The following THADA variants were observed in gnomAD, a reference collection of about 807,000 sequenced individuals.
THADA encodes the protein THADA armadillo repeat containing.
THADA carries 213 observed loss-of-function variants against 219.8 expected under a neutral mutation model. That is an observed-to-expected ratio of 0.97 (90% CI 0.87 to 1.09). The LOEUF (loss-of-function observed/expected upper bound fraction) is 1.09, where lower values mean the gene tolerates loss of function less well. Among genes scored for constraint, THADA ranks in the 50% least tolerant of loss-of-function variants. The pLI, the probability that THADA is intolerant of heterozygous loss-of-function variation, is 0.00. For synonymous variants in THADA, 1,018 were observed against 828.9 expected (o/e 1.23, Z -3.92); for missense variants, 2,956 against 2,311.3 (o/e 1.28, Z -5.72).
intron 26 of THADA, among the ~76,000 whole-genome samples, chr2:43,452,325 A>G (rs1322793485): frequency 6.6e-6 from 1 of 152,162 alleles, no homozygotes; most frequent in Non-Finnish European, 1.5e-5. Context: ...TTCAAGGAAC[A>G]TAATAAAACT....
At chr2:43,254,871 C>T (rs1479627765) in intron 36 of THADA, among the ~76,000 whole-genome samples, 1 of 152,144 alleles carries the variant, frequency 6.6e-6, no homozygotes, top group Non-Finnish European at 1.5e-5. Flanking sequence ...TTTTCTCGGT[C>T]CCCCCACTGG....
chr2:43,401,423 C>T (rs7603268), intron 28 of THADA, among the ~76,000 whole-genome samples: 35,907 of 151,998 alleles, frequency 0.24, 4,402 homozygotes, highest in South Asian at 0.33. Flanking sequence ...GGATTACAGG[C>T]GCCTGCCACC....
At chr2:43,517,569 G>GAATA (rs1473159913) in intron 22 of THADA, among the ~76,000 whole-genome samples, 1 of 152,084 alleles carries the variant, frequency 6.6e-6, no homozygotes, top group Non-Finnish European at 1.5e-5. Flanking sequence ...GCTTAGAAAG[G>GAATA]AATAGTATAC....
At chr2:43,383,438 T>C (rs1034811843) in intron 29 of THADA, among the ~76,000 whole-genome samples, 2 of 152,178 alleles carry the variant, frequency 1.3e-5, no homozygotes, top group South Asian at 2.1e-4. Flanking sequence ...TAAGCTAACA[T>C]ACCAGATAAT....
chr2:43,436,434 G>A (rs778852908), intron 26 of THADA, among the ~76,000 whole-genome samples: 11 of 152,044 alleles, frequency 7.2e-5, no homozygotes, highest in Non-Finnish European at 1.6e-4. Context: ...CCAACTGCTG[G>A]GTCTGTGAGC....
At chr2:43,350,364 T>C (rs1357387544) in intron 29 of THADA, among the ~76,000 whole-genome samples, 2 of 152,086 alleles carry the variant, frequency 1.3e-5, no homozygotes, top group African/African-American at 4.8e-5. Context: ...AAAATGCAGA[T>C]TGTGTTTGTA....
chr2:43,422,302 T>C (rs1219947367), intron 28 of THADA, among the ~76,000 whole-genome samples: 1 of 152,188 alleles, frequency 6.6e-6, no homozygotes, highest in East Asian at 1.9e-4. Flanking sequence ...CTCAAGTATA[T>C]AAAGACCATT....
At position 43,574,853 on chromosome 2, in the gene THADA, C is replaced by T; in HGVS notation, c.1212G>A (p.Leu404=). ...EYVYTHWEHP[L]DALRHQTKIM... is the part of the protein sequence containing the mutation. ...TTTTGGTTTGGTGTCTCAGAGCATC[C>T]AATGGATGTTCCCAATGGGTATAGA... Residue 404 remains leucine, a synonymous_variant, in exon 11 of 38, where the codon TTG becomes TTA. Coordinates refer to ENST00000405975, the MANE Select transcript of THADA (RefSeq NM_022065.5). 1.2e-6 allele frequency: 2 copies of T among 1,613,932 alleles called. No homozygotes were observed. Among genetic ancestry groups the T allele is most frequent in the South Asian group, 2.2e-5 (2 of 91,078 alleles).
chr2:43,336,158 C>G (rs1312397988), intron 30 of THADA, among the ~76,000 whole-genome samples: 7 of 151,974 alleles, frequency 4.6e-5, no homozygotes, highest in Non-Finnish European at 1.0e-4. Context: ...TACTTGGGAG[C>G]TGAGGTGAGA....
rs374874143 is a variant in THADA, at chr2:43,447,548, G to T, written c.3837-17246C>A. On this transcript the variant is annotated intron_variant, in intron 26 of 37. Coordinates refer to ENST00000405975, the MANE Select transcript of THADA (RefSeq NM_022065.5). Reference sequence around the variant, plus strand: ...GAGATCTTTGAAGGGCCATTAATCTGCCTGTCACAAATGCTAAAACACAAG... The same window carrying T: ...GAGATCTTTGAAGGGCCATTAATCTTCCTGTCACAAATGCTAAAACACAAG... 1.6e-4 allele frequency among the ~76,000 whole-genome samples: 24 copies of T among 152,242 alleles called. 1 individual carries two copies. In the South Asian group the frequency reaches 4.8e-3, roughly 30 times the overall value.
intron 24 of THADA, among the ~76,000 whole-genome samples, chr2:43,505,255 T>C (rs1211673674): frequency 6.6e-6 from 1 of 152,108 alleles, no homozygotes; most frequent in Non-Finnish European, 1.5e-5. Flanking sequence ...CACCAGAGTT[T>C]AAAAATTGTT....
intron 37 of THADA, among the ~76,000 whole-genome samples, chr2:43,232,399 C>T (rs1273671384): frequency 2.6e-5 from 4 of 152,060 alleles, no homozygotes; most frequent in Non-Finnish European, 4.4e-5. Context: ...AGGATGGTCT[C>T]GATCTCCTGA....
chr2:43,459,187 C>T (rs1413271951), intron 26 of THADA, among the ~76,000 whole-genome samples: 1 of 152,210 alleles, frequency 6.6e-6, no homozygotes, highest in Non-Finnish European at 1.5e-5. Flanking sequence ...CAGCTCACTT[C>T]AGGCTGCCCT....
At chr2:43,552,662 G>C (rs190980627) in intron 17 of THADA, among the ~76,000 whole-genome samples, 3 of 151,230 alleles carry the variant, frequency 2.0e-5, no homozygotes, top group African/African-American at 4.8e-5. Context: ...AATTAAAAAA[G>C]AAAAAAAAGA....
At chr2:43,263,007 A>G (rs1439014834) in intron 36 of THADA, among the ~76,000 whole-genome samples, 1 of 152,186 alleles carries the variant, frequency 6.6e-6, no homozygotes. Context: ...ATAGAGAGCC[A>G]AGTCAGCAGC....
At chr2:43,377,305 A>C (rs2104642423) in intron 29 of THADA, among the ~76,000 whole-genome samples, 1 of 152,314 alleles carries the variant, frequency 6.6e-6, no homozygotes, top group East Asian at 1.9e-4. Flanking sequence ...CCTGATAACT[A>C]ATTCACAACA....
At chr2:43,587,635 T>C (rs1022663317) in intron 4 of THADA, among the ~76,000 whole-genome samples, 14 of 152,178 alleles carry the variant, frequency 9.2e-5, no homozygotes, top group Non-Finnish European at 1.6e-4. Context: ...GAAGTGACCA[T>C]AATATTTTAA....
At chr2:43,244,162 C>T (rs1668898298) in intron 36 of THADA, among the ~76,000 whole-genome samples, 1 of 151,934 alleles carries the variant, frequency 6.6e-6, no homozygotes, top group South Asian at 2.1e-4. Context: ...TGGACACAGC[C>T]AATATGAATG....
chr2:43,519,598 A>G (rs572310908), intron 22 of THADA, among the ~76,000 whole-genome samples: 1 of 152,188 alleles, frequency 6.6e-6, no homozygotes, highest in Non-Finnish European at 1.5e-5. Context: ...TATGTTTCCT[A>G]TTTAGACTCT....
Sources: gnomAD v4.1 joint callset for allele counts (sites outside exome capture counted in the v4.1 genomes callset) on GRCh38, gnomAD v4.1.1 for gene constraint, MANE v1.5 for transcripts, NCBI Gene and HGNC (gene_info 2026-07-23, HGNC 2026-07-21) for gene names.